The following SLC9A6 variants were observed in gnomAD, a reference collection of about 807,000 sequenced individuals.
SLC9A6 encodes solute carrier family 9 member A6.
In SLC9A6, 6 loss-of-function variants were observed where a neutral mutation model predicts 45.3. The ratio of observed to expected loss-of-function variants is 0.13; its 90% confidence interval spans 0.07 to 0.26. SLC9A6 has a LOEUF of 0.26. Ranked by LOEUF, SLC9A6 falls within the 10% of genes least tolerant of loss-of-function variation. SLC9A6 has a pLI of 1.00. For missense variants in SLC9A6, 278 were observed against 503.7 expected (o/e 0.55, Z 4.29); for synonymous variants, 191 against 187.7 (o/e 1.02, Z -0.14).
At chrX:135,996,806 G>T (rs1438836371) in intron 3 of SLC9A6, among the ~76,000 whole-genome samples, 2 of 109,140 alleles carry the variant, frequency 1.8e-5, no homozygotes, top group South Asian at 3.9e-4. Flanking sequence ...TCGCTCTGTC[G>T]CCCAGGCTGG....
chrX:136,039,211 TA>T (rs1167347302), intron 16 of SLC9A6, among the ~76,000 whole-genome samples: 5 of 100,782 alleles, frequency 5.0e-5, no homozygotes, highest in East Asian at 3.0e-4. Context: ...AAAAATCAAA[TA>T]AAAAAAAATT....
At chrX:136,007,292 G>A (rs1430919499) in intron 7 of SLC9A6, among the ~76,000 whole-genome samples, 1 of 110,097 alleles carries the variant, frequency 9.1e-6, no homozygotes, top group Non-Finnish European at 1.9e-5. Flanking sequence ...CATCAATGGG[G>A]GGGGGTTCCT....
At chrX:135,993,786 G>A (rs1168912224) in intron 2 of SLC9A6, among the ~76,000 whole-genome samples, 1 of 109,042 alleles carries the variant, frequency 9.2e-6, no homozygotes, top group African/African-American at 3.3e-5. Context: ...GCAAAATTTC[G>A]TCTCAGAAAA....
chrX:135,976,012 A>ACATCTAAAAT (rs1367861878), intron 1 of SLC9A6, among the ~76,000 whole-genome samples: 6 of 107,158 alleles, frequency 5.6e-5, no homozygotes, highest in Admixed American at 1.0e-4. Context: ...GTAGAAGAAG[A>ACATCTAAAAT]CATCTAAAAT....
chrX:135,988,252 T>C lies in SLC9A6; in HGVS notation c.169+2425T>C, dbSNP rs145504098. ...AGGGTATCTCTTGTGGAATGTAAAG[T>C]GCAAGAGTGTTAGTCTGGGAGTCAA... On this transcript the variant is annotated intron_variant, in intron 2 of 17. Coordinates refer to ENST00000630721, the MANE Select transcript of SLC9A6 (RefSeq NM_001379110.1). Among the ~76,000 whole-genome samples, 17 of 111,965 alleles carry C rather than the reference T, an allele frequency of 1.5e-4. No individual in the cohort carries two copies. The East Asian group carries it at 4.8e-3, about 31-fold the overall frequency.
intron 3 of SLC9A6, among the ~76,000 whole-genome samples, chrX:135,996,761 T>TG (rs2089502977): frequency 2.7e-5 from 3 of 111,027 alleles, no homozygotes; most frequent in Non-Finnish European, 1.9e-5. Context: ...TTTTGTTTTT[T>TG]TTTGTTTGTT....
intron 16 of SLC9A6, among the ~76,000 whole-genome samples, chrX:136,035,845 C>T (rs904183528): frequency 2.7e-5 from 3 of 110,581 alleles, no homozygotes; most frequent in Non-Finnish European, 5.7e-5. Flanking sequence ...CCTCTGCCTC[C>T]CAGGCTCAAG....
At chrX:136,014,141 C>T (rs1265736269) in intron 10 of SLC9A6, among the ~76,000 whole-genome samples, 1 of 112,111 alleles carries the variant, frequency 8.9e-6, no homozygotes, top group Non-Finnish European at 1.9e-5. Flanking sequence ...GAAATAGGTG[C>T]ATACTTGATT....
Position 136,034,123 on chromosome X carries a change from G to C in SLC9A6, c.1661+630G>C, listed in dbSNP as rs782805560. Among the ~76,000 whole-genome samples the C allele has an allele frequency of 9.4e-4, 103 of 109,462 alleles. 1 individual carries two copies. Among genetic ancestry groups the C allele is most frequent in the African/African-American group, 3.4e-3 (101 of 30,010 alleles). ...TTTAAATCAGGGATCCCCAACTCCC[G>C]GGCCGCGGACCAGTACTGGTCCGTG... On this transcript the variant is annotated intron_variant, in intron 16 of 17. Transcript: ENST00000630721.
upstream of SLC9A6, chrX:135,983,589 A>G: frequency 9.1e-6 from 1 of 109,651 alleles, no homozygotes; most frequent in East Asian, 2.9e-4. Flanking sequence ...ACTCGAGTAC[A>G]AAGAGATTGC....
chrX:136,012,912 T>C (rs1250617767), intron 8 of SLC9A6, 37 bp from the exon 9 acceptor site: 2 of 1,008,103 alleles, frequency 2.0e-6, no homozygotes, highest in Non-Finnish European at 2.8e-6. Context: ...CACACTTTTG[T>C]GTTACAAGAT....
chrX:136,036,365 T>G (rs1433615634), intron 16 of SLC9A6, among the ~76,000 whole-genome samples: 3 of 111,863 alleles, frequency 2.7e-5, no homozygotes, highest in Non-Finnish European at 5.6e-5. Context: ...AGTTGTTTTT[T>G]TCTCTCATTG....
intron 2 of SLC9A6, among the ~76,000 whole-genome samples, chrX:135,993,805 T>A (rs990775803): frequency 3.6e-5 from 4 of 110,004 alleles, no homozygotes; most frequent in Non-Finnish European, 3.8e-5. Context: ...AAAAAAAAAA[T>A]TTAGTTTTAC....
intron 10 of SLC9A6, among the ~76,000 whole-genome samples, chrX:136,014,394 A>G (rs1556619007): frequency 8.9e-6 from 1 of 111,957 alleles, no homozygotes; most frequent in Non-Finnish European, 1.9e-5. Context: ...TGCAATAAGT[A>G]AAGAGAAGAA....
At chrX:136,033,315 T>C (rs1282685944) in intron 15 of SLC9A6, 99 bp from the exon 16 acceptor site, 12 of 513,682 alleles carry the variant, frequency 2.3e-5, no homozygotes, top group Non-Finnish European at 4.0e-5. Flanking sequence ...GAGTGTCTTA[T>C]AATATAGTAG....
chrX:136,039,561 T>C (rs782760826), intron 16 of SLC9A6, among the ~76,000 whole-genome samples: 1 of 112,112 alleles, frequency 8.9e-6, no homozygotes, highest in Admixed American at 9.4e-5. Context: ...AGTCTGATAC[T>C]GAAGTTTCAA....
rs1556623525 is a variant in SLC9A6, at chrX:136,046,033, T to C, written c.*1309T>C. On this transcript the variant is annotated 3_prime_UTR_variant, in exon 18 of 18. Coordinates refer to ENST00000630721, the MANE Select transcript of SLC9A6 (RefSeq NM_001379110.1). ...GAAAGTAGATTCTATTTTGTAATGCTGATAATACCTAAAGATGCATTGAAT... is the reference window on the plus strand; with the variant it reads ...GAAAGTAGATTCTATTTTGTAATGCCGATAATACCTAAAGATGCATTGAAT... 8.9e-6 allele frequency: 1 copy of C among 112,357 alleles called. No homozygotes were observed. The allele number at this position is 112,357 out of a possible 1,213,427, so 9.3% of individuals were successfully genotyped here. A position where few individuals can be genotyped will look rare whatever the true frequency, so the allele number is the denominator to read the frequency against.
At chrX:135,998,762 A>G (rs1569524339) in intron 5 of SLC9A6, 94 bp from the exon 6 acceptor site, 1 of 705,719 alleles carries the variant, frequency 1.4e-6, no homozygotes, top group Non-Finnish European at 2.3e-6. Context: ...GGGATTAGTC[A>G]CAAAGTACTA....
At chrX:136,026,384 A>G (rs1368189850) in intron 13 of SLC9A6, among the ~76,000 whole-genome samples, 1 of 112,117 alleles carries the variant, frequency 8.9e-6, no homozygotes, top group African/African-American at 3.2e-5. Context: ...TGTATGTTAT[A>G]GTACCTACCT....
Sources: gnomAD v4.1 joint callset for allele counts (sites outside exome capture counted in the v4.1 genomes callset) on GRCh38, gnomAD v4.1.1 for gene constraint, MANE v1.5 for transcripts, NCBI Gene and HGNC (gene_info 2026-07-23, HGNC 2026-07-21) for gene names.